Variants in PRICKLE1 observed in about 807,000 individuals in gnomAD.
The protein encoded by PRICKLE1 is prickle planar cell polarity protein 1, also known as prickle-like protein 1.
PRICKLE1 carries 14 observed loss-of-function variants against 70.2 expected under a neutral mutation model. The ratio of observed to expected loss-of-function variants is 0.20; its 90% CI spans 0.13 to 0.31. PRICKLE1 has a LOEUF of 0.31. Among genes scored for constraint, PRICKLE1 ranks in the 10% least tolerant of loss-of-function variants. The pLI, the probability that PRICKLE1 is intolerant of heterozygous loss-of-function variation, is 1.00. For synonymous variants in PRICKLE1, 357 were observed against 379.9 expected, an observed-to-expected ratio of 0.94 and a Z score of 0.70; for missense variants, 821 against 1,026.2, an observed-to-expected ratio of 0.80 and a Z score of 2.73.
intron 1 of PRICKLE1, among the ~76,000 whole-genome samples, chr12:42,568,638 A>G (rs1045148551): frequency 2.6e-5 from 4 of 152,232 alleles, no homozygotes. Flanking sequence ...ATTTTATTCT[A>G]TTATGTACAT....
intron 6 of PRICKLE1, 24 bp downstream of exon 6, chr12:42,466,168 GGC>G (rs777799045): frequency 1.4e-5 from 23 of 1,613,258 alleles, no homozygotes; most frequent in Non-Finnish European, 1.9e-5. Flanking sequence ...TAGGTGACAG[GGC>G]AGACGGGCTG....
intron 1 of PRICKLE1, among the ~76,000 whole-genome samples, chr12:42,498,581 G>A (rs978642864): frequency 2.0e-5 from 3 of 152,124 alleles, no homozygotes; most frequent in East Asian, 3.8e-4. Context: ...CCAGGAGATC[G>A]AGACCAACCT....
intron 1 of PRICKLE1, among the ~76,000 whole-genome samples, chr12:42,489,250 T>C (rs1014499498): frequency 4.6e-5 from 7 of 151,238 alleles, no homozygotes; most frequent in Non-Finnish European, 1.0e-4. Context: ...TGAGATAGGG[T>C]CTGGAGCTGT....
Position 42,460,400 on chromosome 12 carries a change from A to G in PRICKLE1, c.1905T>C (p.Asp635=). The change falls in exon 8 of 8, where the codon GAT becomes GAC. Residue 635 remains aspartate (D), a synonymous_variant. Transcript: ENST00000345127. ...CATAGTTCCCATTGTCAATGACATC[A>G]TCAGAAAACTTGACCTGCTGGGGTC... ...QSRPQQVKFS[D]DVIDNGNYDI... The G allele has an allele frequency of 6.2e-7, 1 of 1,614,138 alleles. No homozygotes were observed. The highest frequency in any genetic ancestry group is 8.5e-7 in the Non-Finnish European group (1 of 1,180,000).
chr12:42,463,966 A>G (rs1937967559), intron 7 of PRICKLE1, among the ~76,000 whole-genome samples: 5 of 152,098 alleles, frequency 3.3e-5, no homozygotes, highest in Admixed American at 3.3e-4. Flanking sequence ...TATTTAAGTG[A>G]GGTTCCTTCC....
intron 1 of PRICKLE1, among the ~76,000 whole-genome samples, chr12:42,557,698 A>G (rs1042971789): frequency 6.6e-6 from 1 of 152,220 alleles, no homozygotes; most frequent in South Asian, 2.1e-4. Context: ...AGTGATTACA[A>G]TTCTGAGGTT....
intron 1 of PRICKLE1, among the ~76,000 whole-genome samples, chr12:42,518,330 C>T (rs1939645034): frequency 6.6e-6 from 1 of 152,142 alleles, no homozygotes; most frequent in Non-Finnish European, 1.5e-5. Context: ...AGGCATAAGC[C>T]ACAACAACCG....
chr12:42,547,343 G>A (rs1592018711), intron 1 of PRICKLE1, among the ~76,000 whole-genome samples: 1 of 152,212 alleles, frequency 6.6e-6, no homozygotes. Context: ...TTGAATTTCA[G>A]TTTATTTATC....
At chr12:42,541,090 A>G (rs1268640784) in intron 1 of PRICKLE1, among the ~76,000 whole-genome samples, 1 of 152,208 alleles carries the variant, frequency 6.6e-6, no homozygotes, top group East Asian at 1.9e-4. Context: ...GTACAATTTC[A>G]AGAAATATAT....
chr12:42,572,915 A>T (rs1229466482), intron 1 of PRICKLE1, among the ~76,000 whole-genome samples: 10 of 152,218 alleles, frequency 6.6e-5, no homozygotes, highest in Non-Finnish European at 1.5e-4. Context: ...CAAATACAAA[A>T]TCTTACATAG....
chr12:42,485,321 C>A (rs1223492947), intron 1 of PRICKLE1: 1 of 127,340 alleles, frequency 7.9e-6, no homozygotes, highest in Non-Finnish European at 1.6e-5. Context: ...TGCTGGTAGA[C>A]TAGTTTGGAA....
chr12:42,526,865 A>G lies in PRICKLE1; in HGVS notation c.-48-54301T>C, dbSNP rs372484558. 7.2e-5 allele frequency among the ~76,000 whole-genome samples: 11 copies of G among 152,162 alleles called. No homozygotes were observed. The East Asian group carries it at 1.9e-3, about 27-fold the overall frequency. ...CGATGATGATGATGATGTCTCTAGC[A>G]TGGCAATAGGATGAAACAAGGGCTT... On this transcript the variant is annotated intron_variant, in intron 1 of 7. Transcript: ENST00000345127.
intron 1 of PRICKLE1, among the ~76,000 whole-genome samples, chr12:42,504,659 C>T (rs1450138748): frequency 6.6e-6 from 1 of 152,150 alleles, no homozygotes; most frequent in Non-Finnish European, 1.5e-5. Context: ...AGAGGTGTCT[C>T]AGGCTAACAC....
In PRICKLE1 at chr12:42,527,932, T is replaced by C. The variant is rs1397328530; in HGVS notation, c.-48-55368A>G. On this transcript the variant is annotated intron_variant, in intron 1 of 7. Coordinates refer to ENST00000345127, the MANE Select transcript of PRICKLE1 (RefSeq NM_153026.3). Reference sequence around the variant, plus strand: ...ACTCTTTATAATATATATATATATATATATATATATATATATATATATATA... The same window carrying C: ...ACTCTTTATAATATATATATATATACATATATATATATATATATATATATA... Among the ~76,000 whole-genome samples the C allele has an allele frequency of 5.5e-4, 7 of 12,796 alleles. No individual in the cohort carries two copies. The Admixed American group carries it at 5.5e-3, about 10-fold the overall frequency. 8.4% of individuals were successfully genotyped at this position (12,796 alleles called of 152,430 possible).
At chr12:42,583,347 C>T (rs751888271) in intron 1 of PRICKLE1, among the ~76,000 whole-genome samples, 36 of 152,256 alleles carry the variant, frequency 2.4e-4, no homozygotes, top group Middle Eastern at 3.4e-3. Context: ...GGTAAAATAA[C>T]ATAAACCTCA....
At chr12:42,463,460 C>T (rs546740769) in intron 7 of PRICKLE1, among the ~76,000 whole-genome samples, 1 of 152,136 alleles carries the variant, frequency 6.6e-6, no homozygotes, top group Non-Finnish European at 1.5e-5. Flanking sequence ...TGGCTCATGC[C>T]TATAATCCCA....
chr12:42,516,440 C>A (rs1353036796), intron 1 of PRICKLE1, among the ~76,000 whole-genome samples: 1 of 152,122 alleles, frequency 6.6e-6, no homozygotes, highest in Non-Finnish European at 1.5e-5. Flanking sequence ...CTTCTTCTTT[C>A]ATATTTTTAA....
chr12:42,464,411 T>C lies in PRICKLE1; in HGVS notation c.1623A>G (p.Ala541=), dbSNP rs776141626. Residue 541 remains alanine (A), a synonymous_variant, in exon 7 of 8, where the codon GCA becomes GCG. Coordinates refer to ENST00000345127, the MANE Select transcript of PRICKLE1 (RefSeq NM_153026.3). This position sits in a 1 kb window ranked among gnomAD's most constrained non-coding sequence, Gnocchi z 4.2. Reference sequence around the variant, plus strand: ...ATTACGTACCTGTGATATTGGACAATGCCAAAGAATCCATCGAATCCCGAA... The same window carrying C: ...ATTACGTACCTGTGATATTGGACAACGCCAAAGAATCCATCGAATCCCGAA... ...QSVRDSMDSL[A]LSNITGASVD... is the part of the protein sequence containing the mutation. 1.2e-6 allele frequency: 2 copies of C among 1,614,112 alleles called. No individual in the cohort carries two copies. Among genetic ancestry groups the C allele is most frequent in the South Asian group, 1.1e-5 (1 of 91,080 alleles).
At chr12:42,467,480 C>T (rs1373862568) in intron 5 of PRICKLE1, among the ~76,000 whole-genome samples, 2 of 152,052 alleles carry the variant, frequency 1.3e-5, no homozygotes, top group Admixed American at 1.3e-4. Context: ...GTGGCTCACC[C>T]TGGTATTCCC....
Sources: allele counts gnomAD v4.1 joint callset (sites outside exome capture counted in the v4.1 genomes callset), GRCh38; gene constraint gnomAD v4.1.1; non-coding constraint Gnocchi (gnomAD v3.1); transcripts MANE v1.5; gene names NCBI Gene and HGNC (gene_info 2026-07-23, HGNC 2026-07-21).